The following ANK2 variants were observed in gnomAD, a reference collection of about 807,000 sequenced individuals.
ANK2 encodes ankyrin 2, also known as ankyrin-2.
A neutral mutation model predicts 360.5 loss-of-function variants in ANK2; 83 were observed. The ratio of observed to expected loss-of-function variants is 0.23; its 90% CI spans 0.19 to 0.28. The LOEUF is 0.28. ANK2 is among the 10% of genes least tolerant of loss of function. The pLI is 1.00. For synonymous variants in ANK2, 1,740 were observed against 1,759.5 expected (o/e 0.99, Z 0.28); for missense variants, 4,201 against 4,795.7 (o/e 0.88, Z 3.66).
intron 1 of ANK2, among the ~76,000 whole-genome samples, chr4:113,088,653 A>T (rs2086128712): frequency 1.3e-5 from 2 of 152,218 alleles, no homozygotes; most frequent in Non-Finnish European, 2.9e-5. Context: ...AAGACGGTGA[A>T]ACAGAAATCA....
At chr4:113,172,127 T>C (rs1413085611) in intron 1 of ANK2, among the ~76,000 whole-genome samples, 1 of 152,200 alleles carries the variant, frequency 6.6e-6, no homozygotes. Context: ...TGTTTCTAAG[T>C]AGTTCATCTC....
chr4:113,155,593 A>G (rs929946698), intron 1 of ANK2, among the ~76,000 whole-genome samples: 20 of 152,142 alleles, frequency 1.3e-4, no homozygotes, highest in Non-Finnish European at 1.6e-4. Context: ...AAAAAGAAAC[A>G]ATTTTTAATT....
rs78200910 is a variant in ANK2, at chr4:112,872,164, C to A, written c.-39-32291C>A. Among the ~76,000 whole-genome samples the A allele has an allele frequency of 1.8e-3, 268 of 151,660 alleles. 1 individual carries two copies. Among genetic ancestry groups the A allele is most frequent in the South Asian group, 7.9e-3 (38 of 4,786 alleles). On this transcript the variant is annotated intron_variant, in intron 1 of 30. Coordinates refer to the ANK2 transcript ENST00000503271. ...GCCTTAGCTTCCTTAGTAACTGGGA[C>A]CACAGGTGGACACCACCATGCCCCG...
chr4:112,831,818 C>T (rs939950753), intron 1 of ANK2, among the ~76,000 whole-genome samples: 38 of 152,288 alleles, frequency 2.5e-4, no homozygotes, highest in African/African-American at 7.9e-4. Flanking sequence ...AGACCACGAA[C>T]TCACTGGGAG....
intron 1 of ANK2, among the ~76,000 whole-genome samples, chr4:112,883,011 G>T (rs1480232166): frequency 1.1e-5 from 1 of 87,470 alleles, no homozygotes; most frequent in African/African-American, 4.2e-5. Context: ...TGGTTTACTT[G>T]GTTAGTCTTT....
At chr4:112,830,557 A>G (rs765797854) in intron 1 of ANK2, among the ~76,000 whole-genome samples, 4 of 152,164 alleles carry the variant, frequency 2.6e-5, no homozygotes, top group Non-Finnish European at 5.9e-5. Flanking sequence ...TACTATGGTT[A>G]TTACCTGGGT....
In ANK2 at chr4:113,278,447, A is replaced by G; in HGVS notation, c.1783-13A>G. 2 of 1,613,022 alleles carry G rather than the reference A, an allele frequency of 1.2e-6. No homozygotes were observed. Among genetic ancestry groups the G allele is most frequent in the Non-Finnish European group, 1.7e-6 (2 of 1,179,168 alleles). On this transcript the variant is annotated splice_polypyrimidine_tract_variant and intron_variant, in intron 16 of 45. Transcript: ENST00000357077. ...AATTTATTAATGCTGAAACTTAAAC[A>G]CACCCTTTACAGAACGGCCTTACCC...
At chr4:113,018,731 G>A (rs996498252) in intron 2 of ANK2, among the ~76,000 whole-genome samples, 1 of 152,186 alleles carries the variant, frequency 6.6e-6, no homozygotes, top group African/African-American at 2.4e-5. Flanking sequence ...CTTCAGCCAA[G>A]GGATGTAACA....
chr4:112,777,484 G>A, the ANK2 span, among the ~76,000 whole-genome samples: 2 of 151,894 alleles, frequency 1.3e-5, no homozygotes, highest in Admixed American at 6.6e-5. Flanking sequence ...CTCGTGATCC[G>A]CCCGCCTCGG....
chr4:112,900,157 G>A (rs1416323258), intron 1 of ANK2, among the ~76,000 whole-genome samples: 1 of 151,472 alleles, frequency 6.6e-6, no homozygotes, highest in East Asian at 1.9e-4. Context: ...CATTTTTTTG[G>A]TTTCATTTTT....
intron 14 of ANK2, 40 bp from the exon 15 acceptor site, chr4:113,274,412 G>T (rs1231543305): frequency 6.3e-7 from 1 of 1,598,054 alleles, no homozygotes; most frequent in Admixed American, 1.7e-5. Context: ...GTGAAGTTCT[G>T]TCTGCCCGGC....
intron 23 of ANK2, among the ~76,000 whole-genome samples, chr4:113,304,873 G>A (rs949351632): frequency 2.0e-5 from 3 of 151,914 alleles, no homozygotes; most frequent in Non-Finnish European, 4.4e-5. Context: ...CAAAGTACAC[G>A]TGGTACCACT....
Position 113,358,918 on chromosome 4 carries a change from A to G in ANK2, c.10300A>G (p.Arg3434Gly). ...GTTAGAATCAGAAGAAGGGGCCACA[A>G]GACCAAAGATACTTACATCCCGATT... ...LELESEEGAT[R>G]PKILTSRLPV... is the part of the protein sequence containing the mutation. The change falls in exon 38 of 46, where the codon AGA becomes GGA. Residue 3434 changes from arginine (R) to glycine (G), a missense_variant. Physicochemically the swap from Arg to Gly is moderately radical, Grantham distance 125. Coordinates refer to ENST00000357077, the MANE Select transcript of ANK2 (RefSeq NM_001148.6). The G allele has an allele frequency of 2.5e-6, 4 of 1,613,810 alleles. No homozygotes were observed. In the South Asian group the frequency reaches 3.3e-5, roughly 13 times the overall value.
rs1334864660 is a variant in ANK2 at position 113,358,441 on chromosome 4, G to A, written c.9823G>A (p.Asp3275Asn). The A allele has an allele frequency of 3.7e-5, 59 of 1,613,914 alleles. No individual in the cohort carries two copies. The highest frequency in any genetic ancestry group is 4.5e-5 in the Non-Finnish European group (53 of 1,179,962). Residue 3275 changes from aspartate (D) to asparagine (N), a missense_variant, in exon 38 of 46, where the codon GAT becomes AAT. This residue lies in a region of ANK2 where 2,642 missense variants were observed against 2,714.5 expected (regional missense o/e 0.97). Coordinates refer to ENST00000357077, the MANE Select transcript of ANK2 (RefSeq NM_001148.6). ...VYSDRGDDSP[D>N]SSPEEQKSVI... ...TTCAGATAGGGGTGATGATTCTCCC[G>A]ATTCTTCCCCAGAAGAACAGAAATC...
At chr4:113,142,103 A>G (rs188342650) in intron 1 of ANK2, among the ~76,000 whole-genome samples, 5 of 152,330 alleles carry the variant, frequency 3.3e-5, no homozygotes, top group Admixed American at 6.5e-5. Flanking sequence ...CAGTGGTGAC[A>G]TTGTTCTGCC....
the ANK2 span, among the ~76,000 whole-genome samples, chr4:112,743,775 C>T: frequency 1.3e-5 from 2 of 152,014 alleles, no homozygotes; most frequent in African/African-American, 4.8e-5. Flanking sequence ...GAACTCCTGA[C>T]CTCAGGTGAT....
chr4:113,360,760 A>T, intron 38 of ANK2, 63 bp from the exon 39 acceptor site: 2 of 1,392,636 alleles, frequency 1.4e-6, no homozygotes, highest in African/African-American at 2.8e-5. Flanking sequence ...TGAATGAATC[A>T]GTACTGTGGT....
At chr4:112,788,337 T>C in the ANK2 span, 1 of 1,547,402 alleles carries the variant, frequency 6.5e-7, no homozygotes, top group Non-Finnish European at 8.8e-7. Flanking sequence ...CTCTTGATAA[T>C]GCACTAAGGG....
chr4:113,005,477 C>G (rs1341258359), intron 2 of ANK2, among the ~76,000 whole-genome samples: 4 of 152,084 alleles, frequency 2.6e-5, no homozygotes, highest in Admixed American at 6.6e-5. Context: ...TGAAATAAGT[C>G]AGGCACAAAA....
Sources: allele counts gnomAD v4.1 joint callset (sites outside exome capture counted in the v4.1 genomes callset), GRCh38; gene constraint gnomAD v4.1.1; regional missense constraint gnomAD v4.1.1; transcripts MANE v1.5; gene names NCBI Gene and HGNC (gene_info 2026-07-23, HGNC 2026-07-21).